SEPHS1: variants seen among roughly 807,000 people sequenced by gnomAD.
SEPHS1 encodes selenophosphate synthetase 1.
SEPHS1 carries 7 observed loss-of-function variants against 39.2 expected under a neutral mutation model. That is an observed-to-expected ratio of 0.18 (90% CI 0.10 to 0.34). SEPHS1 has a LOEUF of 0.34. Ranked by LOEUF, SEPHS1 falls within the 10% of genes least tolerant of loss-of-function variation. The pLI is 1.00. For missense variants in SEPHS1, 253 were observed against 514.5 expected (o/e 0.49, Z 4.92); for synonymous variants, 190 against 195.5 (o/e 0.97, Z 0.23).
intron 2 of SEPHS1, among the ~76,000 whole-genome samples, chr10:13,343,728 C>T (rs532009733): frequency 1.7e-4 from 26 of 152,164 alleles, no homozygotes; most frequent in African/African-American, 4.8e-4. Context: ...GCAGAAGAAT[C>T]GCATGAACCC....
intron 8 of SEPHS1, 129 bp from the exon 9 acceptor site, chr10:13,319,485 T>C: frequency 2.2e-6 from 2 of 927,532 alleles, no homozygotes; most frequent in South Asian, 1.4e-5. Flanking sequence ...GCTCTTCCCA[T>C]TCAACTAAGC....
chr10:13,323,175 T>C (rs1833165751), intron 7 of SEPHS1, 128 bp from the exon 8 acceptor site: 3 of 766,410 alleles, frequency 3.9e-6, no homozygotes, highest in African/African-American at 3.5e-5. Context: ...GAAAACGCAA[T>C]GTAAAATCAA....
chr10:13,330,016 T>C (rs1010024179), intron 5 of SEPHS1, among the ~76,000 whole-genome samples: 1 of 152,216 alleles, frequency 6.6e-6, no homozygotes, highest in African/African-American at 2.4e-5. Flanking sequence ...CTCATTTCTG[T>C]AACCCCAGCA....
chr10:13,336,191 G>C (rs1353024446), intron 4 of SEPHS1, 52 bp downstream of exon 4: 2 of 1,296,910 alleles, frequency 1.5e-6, no homozygotes, highest in Admixed American at 1.8e-5. Flanking sequence ...CAAGGCCAGA[G>C]ATGCCACCGG....
At chr10:13,321,177 C>T (rs760445819) in intron 8 of SEPHS1, among the ~76,000 whole-genome samples, 13 of 152,124 alleles carry the variant, frequency 8.5e-5, no homozygotes, top group Admixed American at 2.6e-4. Flanking sequence ...GCAGCCTTCA[C>T]AGATGCTGAG....
rs369463550 is a variant in SEPHS1, at chr10:13,325,054, T to C, written c.752-2007A>G. Among the ~76,000 whole-genome samples, 51 of 152,360 alleles carry C rather than the reference T, an allele frequency of 3.3e-4. 1 individual carries two copies. The South Asian group carries it at 0.011, about 32-fold the overall frequency. On this transcript the variant is annotated intron_variant, in intron 7 of 8. Coordinates refer to ENST00000327347, the MANE Select transcript of SEPHS1 (RefSeq NM_012247.5). ...TTAAGAGTCCTTTGTATATTTTGGA[T>C]ACCTGACCTTGAACAGGTATGTGTT...
intron 6 of SEPHS1, among the ~76,000 whole-genome samples, chr10:13,328,801 C>T (rs376734528): frequency 5.9e-5 from 9 of 152,336 alleles, no homozygotes; most frequent in African/African-American, 2.2e-4. Context: ...GCCTCACCTG[C>T]TTCCAGCTCC....
At chr10:13,346,568 G>GC (rs1833928306) in intron 1 of SEPHS1, among the ~76,000 whole-genome samples, 1 of 152,106 alleles carries the variant, frequency 6.6e-6, no homozygotes, top group African/African-American at 2.4e-5. Flanking sequence ...GGCGCTGGCC[G>GC]CAAGTGACAA....
intron 8 of SEPHS1, among the ~76,000 whole-genome samples, chr10:13,320,068 A>G (rs1833057359): frequency 1.3e-5 from 2 of 152,210 alleles, no homozygotes; most frequent in Admixed American, 6.5e-5. Flanking sequence ...CTCATGAAAC[A>G]GTGTATGCCC....
intron 8 of SEPHS1, among the ~76,000 whole-genome samples, chr10:13,320,331 G>A (rs201838853): frequency 2.1e-4 from 32 of 151,738 alleles, no homozygotes; most frequent in East Asian, 9.8e-4. Context: ...ACAGGCGCCC[G>A]CCACCACACC....
chr10:13,342,266 CA>C (rs139606622), intron 2 of SEPHS1, among the ~76,000 whole-genome samples: 31,812 of 132,860 alleles, frequency 0.24, 5,416 homozygotes, highest in African/African-American at 0.51. Flanking sequence ...GACTCCGTCT[CA>C]AAAAAAAAAA....
intron 2 of SEPHS1, among the ~76,000 whole-genome samples, chr10:13,342,246 G>A (rs570874877): frequency 1.9e-4 from 28 of 148,396 alleles, no homozygotes; most frequent in South Asian, 1.5e-3. Flanking sequence ...CAGCCTGGGC[G>A]ACAGAGCGAG....
intron 6 of SEPHS1, among the ~76,000 whole-genome samples, chr10:13,328,956 G>T (rs1833385409): frequency 6.6e-6 from 1 of 152,190 alleles, no homozygotes; most frequent in South Asian, 2.1e-4. Flanking sequence ...TCTCTACCCT[G>T]CGACATCAAG....
At chr10:13,336,445 A>G (rs2275128) in intron 3 of SEPHS1, 95 bp from the exon 4 acceptor site, 546,242 of 887,728 alleles carry the variant, frequency 0.62, 169,818 homozygotes, top group East Asian at 0.75. Flanking sequence ...GAGAACGTGG[A>G]GACTTTCCAG....
intron 6 of SEPHS1, among the ~76,000 whole-genome samples, chr10:13,329,354 C>T (rs1437388521): frequency 6.6e-6 from 1 of 152,170 alleles, no homozygotes; most frequent in Non-Finnish European, 1.5e-5. Flanking sequence ...CCAAACACTA[C>T]GCCTTCCACC....
chr10:13,322,295 C>T (rs1260515522), intron 8 of SEPHS1, among the ~76,000 whole-genome samples: 1 of 151,926 alleles, frequency 6.6e-6, no homozygotes, highest in Admixed American at 6.6e-5. Context: ...GCATGGACCA[C>T]CACGCCCAGC....
chr10:13,347,564 C>A (rs894644860), intron 1 of SEPHS1, among the ~76,000 whole-genome samples: 3 of 146,894 alleles, frequency 2.0e-5, no homozygotes, highest in African/African-American at 4.9e-5. Flanking sequence ...CCGGGACGCA[C>A]CCGCCCCGGG....
At chr10:13,320,157 T>C (rs1220100371) in intron 8 of SEPHS1, among the ~76,000 whole-genome samples, 13 of 152,158 alleles carry the variant, frequency 8.5e-5, no homozygotes, top group African/African-American at 3.1e-4. Context: ...AAATAAACCT[T>C]TGTTGCTCTT....
intron 6 of SEPHS1, 122 bp downstream of exon 6, chr10:13,329,576 A>G: frequency 1.5e-6 from 1 of 669,526 alleles, no homozygotes; most frequent in Non-Finnish European, 2.6e-6. Flanking sequence ...TTCTTTAAGG[A>G]CTTGACTAAT....
Sources: allele counts gnomAD v4.1 joint callset (sites outside exome capture counted in the v4.1 genomes callset), GRCh38; gene constraint gnomAD v4.1.1; transcripts MANE v1.5; gene names NCBI Gene and HGNC (gene_info 2026-07-23, HGNC 2026-07-21).